The following ZNF362 variants were observed in gnomAD, a reference collection of about 807,000 sequenced individuals.
The protein encoded by ZNF362 is zinc finger protein 362, also known as rotund homolog.
In ZNF362, 11 loss-of-function variants were observed where a neutral mutation model predicts 42.9. That is an observed-to-expected ratio of 0.26 (90% confidence interval 0.16 to 0.42). ZNF362 has a LOEUF of 0.42. Among genes scored for constraint, ZNF362 ranks in the 20% least tolerant of loss-of-function variants. The pLI, the probability that ZNF362 is intolerant of heterozygous loss-of-function variation, is 1.00. For missense variants in ZNF362, 362 were observed against 576.2 expected, an observed-to-expected ratio of 0.63 and a Z score of 3.81; for synonymous variants, 255 against 257.3, an observed-to-expected ratio of 0.99 and a Z score of 0.09.
At chr1:33,145,649 G>A in the ZNF362 span, 1 of 303,078 alleles carries the variant, frequency 3.3e-6, no homozygotes, top group Non-Finnish European at 6.5e-6. Context: ...CAGAATCTAG[G>A]CCCCAGGACT....
At chr1:33,170,187 A>T in the ZNF362 span, among the ~76,000 whole-genome samples, 1 of 152,048 alleles carries the variant, frequency 6.6e-6, no homozygotes, top group Admixed American at 6.5e-5. Context: ...AAAATTAGCC[A>T]GGCATGGTGG....
the ZNF362 span, among the ~76,000 whole-genome samples, chr1:33,213,106 G>C: frequency 6.6e-6 from 1 of 152,156 alleles, no homozygotes; most frequent in African/African-American, 2.4e-5. Context: ...TGGACAAAAA[G>C]AGTATGTATG....
At chr1:33,178,137 G>A in the ZNF362 span, among the ~76,000 whole-genome samples, 26 of 152,286 alleles carry the variant, frequency 1.7e-4, no homozygotes, top group African/African-American at 5.8e-4. Context: ...CGAGGCCTTA[G>A]GCAAGTTCCC....
chr1:33,187,868 G>T, the ZNF362 span, among the ~76,000 whole-genome samples: 1 of 152,300 alleles, frequency 6.6e-6, no homozygotes, highest in East Asian at 1.9e-4. Flanking sequence ...TCATTTCTTG[G>T]CTTCCAGACC....
the ZNF362 span, among the ~76,000 whole-genome samples, chr1:33,162,693 A>AGGGGGGAAGGCAGGGACAG: frequency 6.6e-6 from 1 of 152,080 alleles, no homozygotes; most frequent in South Asian, 2.1e-4. Context: ...TGGGAGGGAA[A>AGGGGGGAAGGCAGGGACAG]GGGGGGAAGG....
the ZNF362 span, among the ~76,000 whole-genome samples, chr1:33,230,030 T>G: frequency 9.2e-5 from 14 of 152,198 alleles, 1 homozygote; most frequent in South Asian, 4.1e-4. Flanking sequence ...ATGCAAAAGC[T>G]GGATTTTTTT....
chr1:33,139,702 T>TGC, the ZNF362 span, among the ~76,000 whole-genome samples: 102 of 152,332 alleles, frequency 6.7e-4, no homozygotes, highest in African/African-American at 2.3e-3. Flanking sequence ...AGGAAGCCCC[T>TGC]GCAAACAGAA....
At chr1:33,129,620 A>C in the ZNF362 span, among the ~76,000 whole-genome samples, 1 of 152,206 alleles carries the variant, frequency 6.6e-6, no homozygotes, top group African/African-American at 2.4e-5. This position sits in a 1 kb window ranked among gnomAD's most constrained non-coding sequence, Gnocchi z 4.1. Flanking sequence ...TTTTGTGTAA[A>C]TATGGACCTT....
chr1:33,256,455 C>CGCCGCT (rs1228465249), upstream of ZNF362: 500 of 167,854 alleles, frequency 3.0e-3, 6 homozygotes, highest in Middle Eastern at 0.031. Context: ...AGCCTCCCGC[C>CGCCGCT]GCCGCCGCCG....
chr1:33,239,989 A>C, the ZNF362 span, among the ~76,000 whole-genome samples: 19 of 152,340 alleles, frequency 1.2e-4, no homozygotes, highest in Non-Finnish European at 2.4e-4. Flanking sequence ...AGTAGGGAGA[A>C]GGGAATGCTT....
At chr1:33,184,908 G>A in the ZNF362 span, among the ~76,000 whole-genome samples, 1 of 152,056 alleles carries the variant, frequency 6.6e-6, no homozygotes, top group Non-Finnish European at 1.5e-5. Context: ...AGCCTCCCTA[G>A]TAGCTGGGAC....
At chr1:33,242,071 G>A in the ZNF362 span, among the ~76,000 whole-genome samples, 2 of 152,170 alleles carry the variant, frequency 1.3e-5, no homozygotes, top group African/African-American at 4.8e-5. Context: ...CGGGAAAGGC[G>A]ATGAGGAGGC....
chr1:33,136,172 T>TTCCC, the ZNF362 span, among the ~76,000 whole-genome samples: 303 of 110,014 alleles, frequency 2.8e-3, 3 homozygotes, highest in African/African-American at 9.6e-3. Context: ...CCTTCCTTCC[T>TTCCC]TCCCTCCCTC....
the ZNF362 span, among the ~76,000 whole-genome samples, chr1:33,238,328 T>TAAAATAAAATAAAA: frequency 1.5e-5 from 1 of 67,946 alleles, no homozygotes; most frequent in Non-Finnish European, 2.9e-5. Flanking sequence ...CAAAATAACA[T>TAAAATAAAATAAAA]AAAATAAAAT....
At chr1:33,193,023 A>C in the ZNF362 span, among the ~76,000 whole-genome samples, 1 of 146,854 alleles carries the variant, frequency 6.8e-6, no homozygotes, top group Non-Finnish European at 1.5e-5. Flanking sequence ...ATATATATAT[A>C]CGCATATATA....
At chr1:33,240,104 T>C in the ZNF362 span, among the ~76,000 whole-genome samples, 1 of 152,080 alleles carries the variant, frequency 6.6e-6, no homozygotes, top group African/African-American at 2.4e-5. Flanking sequence ...AACAGGACAT[T>C]AGTGTGGTCT....
At chr1:33,239,899 T>C in the ZNF362 span, among the ~76,000 whole-genome samples, 1 of 152,046 alleles carries the variant, frequency 6.6e-6, no homozygotes, top group Non-Finnish European at 1.5e-5. Flanking sequence ...AAAACCAAAA[T>C]AAATAATGAT....
the ZNF362 span, among the ~76,000 whole-genome samples, chr1:33,237,702 T>C: frequency 1.3e-5 from 2 of 152,304 alleles, no homozygotes; most frequent in East Asian, 1.9e-4. Context: ...CCATTTCTTC[T>C]TCCTGGGCCC....
chr1:33,208,721 G>A, the ZNF362 span, among the ~76,000 whole-genome samples: 3 of 151,748 alleles, frequency 2.0e-5, no homozygotes, highest in African/African-American at 7.3e-5. Context: ...TCATGATTTG[G>A]CTCTCTGTTA....
Sources: gnomAD v4.1 joint callset for allele counts (sites outside exome capture counted in the v4.1 genomes callset) on GRCh38, gnomAD v4.1.1 for gene constraint, Gnocchi (gnomAD v3.1) non-coding constraint, MANE v1.5 for transcripts, NCBI Gene and HGNC (gene_info 2026-07-23, HGNC 2026-07-21) for gene names.